The following RAB1A variants were observed in gnomAD, a reference collection of about 807,000 sequenced individuals.
The protein encoded by RAB1A is RAB1A, member RAS oncogene family.
In RAB1A, 2 loss-of-function variants were observed where a neutral mutation model predicts 26.0. That is an observed-to-expected ratio of 0.08 (90% CI 0.03 to 0.24). The LOEUF is 0.24. Ranked by LOEUF, RAB1A falls within the 10% of genes least tolerant of loss-of-function variation. The pLI is 1.00. For synonymous variants in RAB1A, 84 were observed against 84.9 expected, an observed-to-expected ratio of 0.99 and a Z score of 0.06; for missense variants, 100 against 247.0, an observed-to-expected ratio of 0.40 and a Z score of 3.99.
At chr2:65,101,481 A>G (rs1669425625) in intron 2 of RAB1A, among the ~76,000 whole-genome samples, 1 of 152,166 alleles carries the variant, frequency 6.6e-6, no homozygotes, top group Non-Finnish European at 1.5e-5. Flanking sequence ...CATTTTAAAA[A>G]TAGTTTCCAG....
chr2:65,129,557 C>T (rs556165168), intron 1 of RAB1A, among the ~76,000 whole-genome samples: 20 of 152,226 alleles, frequency 1.3e-4, no homozygotes, highest in African/African-American at 3.6e-4. Flanking sequence ...GAGACAAGTC[C>T]TCCTTCAAAA....
chr2:65,120,215 TG>T, intron 1 of RAB1A, among the ~76,000 whole-genome samples: 1 of 152,190 alleles, frequency 6.6e-6, no homozygotes, highest in East Asian at 1.9e-4. Flanking sequence ...CCCAGCACTT[TG>T]GGAGGCCGAG....
At chr2:65,103,767 A>G (rs75479685) in intron 2 of RAB1A, among the ~76,000 whole-genome samples, 17,025 of 151,748 alleles carry the variant, frequency 0.11, 1,162 homozygotes, top group South Asian at 0.2. Flanking sequence ...GAAACATGCT[A>G]ATTTGTTTTT....
intron 2 of RAB1A, among the ~76,000 whole-genome samples, chr2:65,103,924 G>A (rs1478668431): frequency 6.6e-5 from 10 of 152,010 alleles, no homozygotes; most frequent in Non-Finnish European, 1.0e-4. Flanking sequence ...GACTACAGGC[G>A]TGTGGCACCA....
At chr2:65,120,956 T>C (rs1247993704) in intron 1 of RAB1A, among the ~76,000 whole-genome samples, 1 of 152,140 alleles carries the variant, frequency 6.6e-6, no homozygotes, top group Non-Finnish European at 1.5e-5. Flanking sequence ...CAAAATGCCC[T>C]ATGTAAAGAC....
At chr2:65,115,084 C>G (rs960396657) in intron 1 of RAB1A, among the ~76,000 whole-genome samples, 11 of 152,156 alleles carry the variant, frequency 7.2e-5, no homozygotes, top group Non-Finnish European at 2.9e-5. Flanking sequence ...GCACAAAGGG[C>G]AGAACCATGC....
intron 1 of RAB1A, among the ~76,000 whole-genome samples, chr2:65,125,422 TC>T (rs1261620392): frequency 2.7e-5 from 4 of 148,496 alleles, no homozygotes; most frequent in Non-Finnish European, 4.5e-5. Flanking sequence ...AGTATTTCTT[TC>T]TTTTTTTTTT....
At chr2:65,092,773 C>T (rs1400369015) in intron 3 of RAB1A, among the ~76,000 whole-genome samples, 1 of 152,192 alleles carries the variant, frequency 6.6e-6, no homozygotes, top group Non-Finnish European at 1.5e-5. Context: ...TATGGTTTGG[C>T]TCTGTGTCCC....
chr2:65,098,558 T>C (rs1669343498), intron 2 of RAB1A, among the ~76,000 whole-genome samples: 1 of 151,946 alleles, frequency 6.6e-6, no homozygotes, highest in Non-Finnish European at 1.5e-5. Context: ...ATAATGCACA[T>C]AACATAAAAG....
intron 1 of RAB1A, among the ~76,000 whole-genome samples, chr2:65,117,870 C>T (rs1013849574): frequency 2.2e-4 from 33 of 152,064 alleles, no homozygotes; most frequent in Admixed American, 4.6e-4. Context: ...CACAACCAGC[C>T]TAAAATGTTA....
chr2:65,113,878 C>T (rs909712089), intron 1 of RAB1A, among the ~76,000 whole-genome samples: 3 of 152,176 alleles, frequency 2.0e-5, no homozygotes, highest in South Asian at 2.1e-4. Flanking sequence ...AATGGATTGA[C>T]GGTTTCTTCT....
intron 2 of RAB1A, among the ~76,000 whole-genome samples, chr2:65,103,789 C>CT (rs35396412): frequency 0.037 from 5,418 of 147,902 alleles, 138 homozygotes; most frequent in African/African-American, 0.068. Context: ...TATTTTTTTT[C>CT]TTTTTTTTTT....
At chr2:65,126,874 T>C (rs548856733) in intron 1 of RAB1A, among the ~76,000 whole-genome samples, 1 of 152,370 alleles carries the variant, frequency 6.6e-6, no homozygotes, top group South Asian at 2.1e-4. Context: ...CTCTAATTAC[T>C]TTTATAAAGA....
At chr2:65,114,102 C>T (rs1300648909) in intron 1 of RAB1A, 1 of 458,028 alleles carries the variant, frequency 2.2e-6, no homozygotes, top group Non-Finnish European at 4.2e-6. Context: ...CAATGGCATA[C>T]TCCCAATACA....
chr2:65,125,751 CCTGCTTCA>C (rs2103888383), intron 1 of RAB1A, among the ~76,000 whole-genome samples: 1 of 151,782 alleles, frequency 6.6e-6, no homozygotes, highest in South Asian at 2.1e-4. Context: ...ATAATCACTG[CCTGCTTCA>C]AAACGTAGCT....
At chr2:65,095,516 C>CTTTTT in intron 3 of RAB1A, among the ~76,000 whole-genome samples, 1 of 125,954 alleles carries the variant, frequency 7.9e-6, no homozygotes, top group Non-Finnish European at 1.6e-5. Context: ...CACCTGGTTA[C>CTTTTT]TTTTTTTTTT....
At position 65,121,254 on chromosome 2, in the gene RAB1A, A is replaced by AC. The variant is rs1553395226; in HGVS notation, c.23+8638dup. 5.8e-3 allele frequency among the ~76,000 whole-genome samples: 872 copies of AC among 150,860 alleles called. 12 individuals are homozygous for AC. The highest frequency in any genetic ancestry group is 0.02 in the African/African-American group (820 of 40,860). ...TGTCTCGAAAAAAAAAAAAAAAAAA[A>AC]CCATAGCCACGTGGCTGGCACCGAG... On this transcript the variant is annotated intron_variant, in intron 1 of 5. Coordinates refer to ENST00000409784, the MANE Select transcript of RAB1A (RefSeq NM_004161.5).
At chr2:65,117,267 T>A (rs956855757) in intron 1 of RAB1A, among the ~76,000 whole-genome samples, 62 of 152,184 alleles carry the variant, frequency 4.1e-4, no homozygotes, top group African/African-American at 1.4e-3. Context: ...AGGGTCTTCA[T>A]ATGCTGCCCA....
intron 3 of RAB1A, among the ~76,000 whole-genome samples, chr2:65,091,395 G>A (rs1669168122): frequency 6.6e-6 from 1 of 152,152 alleles, no homozygotes; most frequent in Non-Finnish European, 1.5e-5. Context: ...CTGGCCGAAA[G>A]CCCTTGAACA....
Sources: gnomAD v4.1 joint callset for allele counts (sites outside exome capture counted in the v4.1 genomes callset) on GRCh38, gnomAD v4.1.1 for gene constraint, MANE v1.5 for transcripts, NCBI Gene and HGNC (gene_info 2026-07-23, HGNC 2026-07-21) for gene names.